Variants in DYNC2I1 observed in about 807,000 individuals in gnomAD.
DYNC2I1 encodes dynein 2 intermediate chain 1, also known as cytoplasmic dynein 2 intermediate chain 1.
Under a neutral mutation model 133.4 loss-of-function variants are expected in DYNC2I1, and 89 were observed. The observed-to-expected ratio is 0.67, with a 90% CI of 0.56 to 0.80. DYNC2I1 has a LOEUF of 0.80. Among genes scored for constraint, DYNC2I1 ranks in the 30% least tolerant of loss-of-function variants. The pLI is 0.00. For synonymous variants in DYNC2I1, 504 were observed against 484.3 expected, an observed-to-expected ratio of 1.04 and a Z score of -0.54; for missense variants, 1,291 against 1,314.5, an observed-to-expected ratio of 0.98 and a Z score of 0.28.
intron 14 of DYNC2I1, among the ~76,000 whole-genome samples, chr7:158,916,958 G>C (rs1276007677): frequency 9.4e-4 from 64 of 67,758 alleles, no homozygotes; most frequent in South Asian, 4.1e-3. Context: ...TGACATTAAG[G>C]ATGATTGTGA....
intron 23 of DYNC2I1, among the ~76,000 whole-genome samples, chr7:158,939,301 T>C (rs1320382493): frequency 2.0e-5 from 3 of 151,692 alleles, no homozygotes; most frequent in Non-Finnish European, 4.4e-5. Flanking sequence ...CTGGGTACAG[T>C]GGTGCCCATG....
At chr7:158,850,918 TC>T in the DYNC2I1 span, among the ~76,000 whole-genome samples, 14 of 151,602 alleles carry the variant, frequency 9.2e-5, no homozygotes, top group African/African-American at 3.4e-4. Context: ...GCTGCTGGAG[TC>T]TACGGAGCCT....
In DYNC2I1 at chr7:158,914,088, T is replaced by C. The variant is rs893157449; in HGVS notation, c.1703-145T>C. 3 of 593,794 alleles carry C rather than the reference T, an allele frequency of 5.1e-6. No homozygotes were observed. In the South Asian group the frequency reaches 7.3e-5, roughly 14 times the overall value. The allele number at this position is 593,794 out of a possible 1,614,324, so 36.8% of individuals were successfully genotyped here. A position where few individuals can be genotyped will look rare whatever the true frequency, so the allele number is the denominator to read the frequency against. On this transcript the variant is annotated intron_variant, in intron 13 of 24. Coordinates refer to ENST00000407559, the MANE Select transcript of DYNC2I1 (RefSeq NM_018051.5). ...TTTGGGGAGTTAACAGTAGTAAATC[T>C]AGAGAGTATAGCTTGAAGTTTTCTG...
intron 1 of DYNC2I1, among the ~76,000 whole-genome samples, chr7:158,863,311 G>A (rs564474098): frequency 5.9e-5 from 9 of 152,114 alleles, no homozygotes; most frequent in African/African-American, 1.7e-4. Flanking sequence ...TGATTGGTGC[G>A]TTTACAAACC....
At chr7:158,882,297 A>G (rs1159269226) in intron 5 of DYNC2I1, among the ~76,000 whole-genome samples, 3 of 152,134 alleles carry the variant, frequency 2.0e-5, no homozygotes, top group East Asian at 1.9e-4. Flanking sequence ...AACCACCTAA[A>G]TCTCAGATAG....
At chr7:158,857,620 C>T (rs1004446009) in intron 1 of DYNC2I1, among the ~76,000 whole-genome samples, 1 of 149,336 alleles carries the variant, frequency 6.7e-6, no homozygotes, top group Non-Finnish European at 1.5e-5. Flanking sequence ...TTACTGCAAC[C>T]TCCGACTCCA....
intron 1 of DYNC2I1, among the ~76,000 whole-genome samples, chr7:158,861,187 C>G (rs1303445532): frequency 2.0e-5 from 3 of 152,234 alleles, no homozygotes; most frequent in Non-Finnish European, 4.4e-5. Context: ...ATTATGAATC[C>G]TTCTCTGTCC....
At position 158,913,716 on chromosome 7, in the gene DYNC2I1, A is replaced by AT. The variant is rs1184361524; in HGVS notation, c.1703-507dup. ...ATTAAATTGATGCCTTTGAAAAAAA[A>AT]TTTTTTTTTTGAGATGGAGCCTTGC... On this transcript the variant is annotated intron_variant, in intron 13 of 24. Coordinates refer to ENST00000407559, the MANE Select transcript of DYNC2I1 (RefSeq NM_018051.5). Among the ~76,000 whole-genome samples, 138 of 150,750 alleles carry AT rather than the reference A, an allele frequency of 9.2e-4. 1 individual carries two copies. The highest frequency in any genetic ancestry group is 1.7e-3 in the African/African-American group (68 of 40,906).
intron 4 of DYNC2I1, among the ~76,000 whole-genome samples, chr7:158,955,777 A>G (rs990414739): frequency 1.3e-5 from 2 of 152,212 alleles, no homozygotes; most frequent in Non-Finnish European, 2.9e-5. Flanking sequence ...TGTAAGCTCC[A>G]GAGCTTGTGA....
chr7:158,880,891 A>T (rs1359307914), intron 5 of DYNC2I1, among the ~76,000 whole-genome samples: 2 of 152,126 alleles, frequency 1.3e-5, no homozygotes, highest in East Asian at 1.9e-4. Context: ...TTCCTTTAAG[A>T]TGGAAGCAAA....
At chr7:158,949,649 G>A (rs1454079165), downstream of DYNC2I1, among the ~76,000 whole-genome samples, 4 of 28,734 alleles carry the variant, frequency 1.4e-4, no homozygotes, top group African/African-American at 3.0e-4. Context: ...TGCAGGCGGC[G>A]CGGCTTCAGG....
In DYNC2I1 at chr7:158,888,863, G is replaced by A. The variant is rs553017558; in HGVS notation, c.990+1788G>A. On this transcript the variant is annotated intron_variant, in intron 7 of 24. Transcript: ENST00000407559. ...GTCATACAGCACCTGTTGTTTTGAC[G>A]TGGATGTTTTATTTCTTTAATTTTG... Among the ~76,000 whole-genome samples, 82 of 152,228 alleles carry A rather than the reference G, an allele frequency of 5.4e-4. 1 individual carries two copies. The highest frequency in any genetic ancestry group is 1.0e-3 in the Admixed American group (16 of 15,270).
At chr7:158,926,594 T>C (rs145623585) in intron 19 of DYNC2I1, 131 bp downstream of exon 19, 480 of 1,055,694 alleles carry the variant, frequency 4.5e-4, no homozygotes, top group Non-Finnish European at 6.1e-4. Context: ...ACTGGGCTTC[T>C]TGGTCCTGAG....
intron 10 of DYNC2I1, chr7:158,902,820 C>T (rs1846379277): frequency 3.7e-6 from 2 of 535,658 alleles, no homozygotes; most frequent in Non-Finnish European, 3.3e-6. Context: ...TTGCACGTCA[C>T]TTTCTGCTCA....
At chr7:158,902,648 T>C in intron 10 of DYNC2I1, 53 bp downstream of exon 10, 1 of 1,497,214 alleles carries the variant, frequency 6.7e-7, no homozygotes, top group East Asian at 2.3e-5. Context: ...CTCTGTGTAC[T>C]GAGCCCTCAC....
At chr7:158,954,465 T>C (rs539136780) in intron 4 of DYNC2I1, among the ~76,000 whole-genome samples, 4 of 152,052 alleles carry the variant, frequency 2.6e-5, no homozygotes, top group African/African-American at 9.7e-5. Context: ...TTGGGAAACA[T>C]AGAGAAACCC....
At chr7:158,932,940 G>T (rs1440491705) in intron 21 of DYNC2I1, among the ~76,000 whole-genome samples, 1 of 152,326 alleles carries the variant, frequency 6.6e-6, no homozygotes, top group Admixed American at 6.5e-5. Flanking sequence ...GCGAGGATAG[G>T]AGCAGGGAGG....
At chr7:158,863,912 C>A (rs1315050829) in intron 1 of DYNC2I1, among the ~76,000 whole-genome samples, 3 of 64,784 alleles carry the variant, frequency 4.6e-5, no homozygotes, top group Non-Finnish European at 8.7e-5. Flanking sequence ...GGGTGGGGAG[C>A]GGGACGTCCT....
downstream of DYNC2I1, among the ~76,000 whole-genome samples, chr7:158,949,635 G>A (rs1452545779): frequency 2.0e-5 from 2 of 98,546 alleles, no homozygotes; most frequent in Admixed American, 2.1e-4. Context: ...AGCGGAGCAG[G>A]AGGTGCAGGC....
Sources: gnomAD v4.1 joint callset for allele counts (sites outside exome capture counted in the v4.1 genomes callset) on GRCh38, gnomAD v4.1.1 for gene constraint, MANE v1.5 for transcripts, NCBI Gene and HGNC (gene_info 2026-07-23, HGNC 2026-07-21) for gene names.